Variants in EDA observed in about 807,000 individuals in gnomAD.
EDA encodes ectodysplasin-A.
In EDA, 2 loss-of-function variants were observed where a neutral mutation model predicts 23.6. That is an observed-to-expected ratio of 0.08 (90% CI 0.03 to 0.27). EDA has a LOEUF of 0.27. Among genes scored for constraint, EDA ranks in the 10% least tolerant of loss-of-function variants. The pLI is 1.00. For missense variants in EDA, 229 were observed against 324.2 expected (o/e 0.71, Z 2.26); for synonymous variants, 131 against 132.0 (o/e 0.99, Z 0.05).
intron 1 of EDA, among the ~76,000 whole-genome samples, chrX:69,815,498 C>A (rs1341848010): frequency 9.0e-6 from 1 of 111,369 alleles, no homozygotes; most frequent in Non-Finnish European, 1.9e-5. Context: ...AGCCTGCTGG[C>A]TGTGGAGAAA....
At chrX:69,752,245 C>A (rs1262010403) in intron 1 of EDA, among the ~76,000 whole-genome samples, 1 of 111,418 alleles carries the variant, frequency 9.0e-6, no homozygotes, top group Non-Finnish European at 1.9e-5. Context: ...TTTTGAGATA[C>A]ATCCCATCAG....
At chrX:69,677,617 A>G (rs1934150528) in intron 1 of EDA, among the ~76,000 whole-genome samples, 1 of 112,725 alleles carries the variant, frequency 8.9e-6, no homozygotes, top group African/African-American at 3.2e-5. Context: ...TTGGCTGCAT[A>G]AATGTCTTCT....
intron 2 of EDA, among the ~76,000 whole-genome samples, chrX:69,959,591 T>A (rs747793175): frequency 5.3e-5 from 6 of 112,152 alleles, no homozygotes; most frequent in African/African-American, 1.6e-4. Flanking sequence ...GGATTTTTTT[T>A]AATATTCCCA....
intron 1 of EDA, among the ~76,000 whole-genome samples, chrX:69,703,494 A>G (rs1453037785): frequency 8.9e-6 from 1 of 112,239 alleles, no homozygotes; most frequent in Non-Finnish European, 1.9e-5. Flanking sequence ...AACAGACAAC[A>G]CGAGGTAGTG....
chrX:69,743,541 G>T (rs1431710333), intron 1 of EDA, among the ~76,000 whole-genome samples: 3 of 111,735 alleles, frequency 2.7e-5, no homozygotes, highest in African/African-American at 9.8e-5. Flanking sequence ...CATGTAACAA[G>T]TTCATCTCTG....
At chrX:69,688,355 A>G (rs190850586) in intron 1 of EDA, among the ~76,000 whole-genome samples, 3 of 112,003 alleles carry the variant, frequency 2.7e-5, no homozygotes, top group East Asian at 2.8e-4. Flanking sequence ...ATCAGGTAGT[A>G]TAGAGAAATA....
At chrX:69,900,678 A>G (rs1380839611) in intron 1 of EDA, among the ~76,000 whole-genome samples, 4 of 110,572 alleles carry the variant, frequency 3.6e-5, no homozygotes, top group African/African-American at 9.8e-5. Flanking sequence ...CTATAGTCTA[A>G]TCACACAAGC....
intron 1 of EDA, among the ~76,000 whole-genome samples, chrX:69,707,413 T>C (rs757369286): frequency 8.9e-6 from 1 of 111,945 alleles, no homozygotes; most frequent in East Asian, 2.8e-4. Flanking sequence ...ACAAAGTGAG[T>C]GAGTTCATCA....
At chrX:69,969,778 C>T (rs1489032988) in intron 2 of EDA, among the ~76,000 whole-genome samples, 5 of 111,029 alleles carry the variant, frequency 4.5e-5, no homozygotes, top group African/African-American at 1.6e-4. Context: ...AGTAAAGCTT[C>T]TAGTACATGG....
At chrX:69,680,789 T>G (rs1602287592) in intron 1 of EDA, among the ~76,000 whole-genome samples, 1 of 100,155 alleles carries the variant, frequency 1.0e-5, no homozygotes. Flanking sequence ...TGCCAGTCTG[T>G]GTCTTTTAAT....
intron 1 of EDA, among the ~76,000 whole-genome samples, chrX:69,689,564 T>C (rs932859109): frequency 9.0e-6 from 1 of 110,705 alleles, no homozygotes; most frequent in Non-Finnish European, 1.9e-5. Flanking sequence ...CTCGAACTCC[T>C]GACCTCATGA....
In EDA at chrX:70,037,237, AT is replaced by A. The variant is rs773054743; in HGVS notation, c.*1631del. 8.9e-6 allele frequency: 1 copy of A among 111,851 alleles called. No homozygotes were observed. Among genetic ancestry groups the A allele is most frequent in the South Asian group, 3.8e-4 (1 of 2,616 alleles). 9.2% of individuals were successfully genotyped at this position (111,851 alleles called of 1,213,427 possible). On this transcript the variant is annotated 3_prime_UTR_variant, in exon 8 of 8. Transcript: ENST00000374552. ...AATTCACCAAGAACAGCGGGTACTT[AT>A]TTCTCAGCTGTGCCTTCCCTTTCTA...
chrX:69,616,369 G>A lies in EDA; in HGVS notation c.61G>A (p.Gly21Arg). The change falls in exon 1 of 8, where the codon GGG becomes AGG. Residue 21 changes from glycine to arginine, a missense_variant. Physicochemically the swap from Gly to Arg is moderately radical, Grantham distance 125 (BLOSUM62 -2). Around this residue, in one of 2 missense-constraint regions of EDA, gnomAD observed 54 missense variants for 42.4 expected, o/e 1.27. Transcript: ENST00000374552. Reference protein sequence around the residue: ...LLPAAAPRERGSQGCGCGGAP... With the variant: ...LLPAAAPRERRSQGCGCGGAP... ...GCCTGCAGCAGCGCCGCGGGAGCGA[G>A]GGAGCCAGGGCTGCGGGTGTGGCGG... The A allele has an allele frequency of 1.7e-6, 2 of 1,208,267 alleles. No individual in the cohort carries two copies. The highest frequency in any genetic ancestry group is 2.2e-6 in the Non-Finnish European group (2 of 894,844).
chrX:69,888,978 T>TAGATAGATATATATATA lies in EDA; in HGVS notation c.397-68049_397-68048insAGATAGATATATATATA, dbSNP rs1556026049. Among the ~76,000 whole-genome samples, 13 of 16,011 alleles carry TAGATAGATATATATATA rather than the reference T, an allele frequency of 8.1e-4. 2 individuals are homozygous for TAGATAGATATATATATA. The highest frequency in any genetic ancestry group is 1.4e-3 in the Admixed American group (1 of 704). The allele number at this position is 16,011 out of a possible 115,157, so 13.9% of individuals were successfully genotyped here. On this transcript the variant is annotated intron_variant, in intron 1 of 7. Coordinates refer to ENST00000374552, the MANE Select transcript of EDA (RefSeq NM_001399.5). Reference sequence around the variant, plus strand: ...GTGGAATTGTTGTATTGTGGGGTAGTTATATATATATATATATATATATAT... The same window carrying TAGATAGATATATATATA: ...GTGGAATTGTTGTATTGTGGGGTAGTAGATAGATATATATATATATATATATATATATATATATATAT...
intron 1 of EDA, among the ~76,000 whole-genome samples, chrX:69,628,810 G>A (rs539674692): frequency 6.3e-5 from 7 of 110,982 alleles, no homozygotes; most frequent in African/African-American, 2.0e-4. Context: ...TGTTCATGAT[G>A]TCTCTTGCAT....
intron 1 of EDA, among the ~76,000 whole-genome samples, chrX:69,914,002 A>G (rs2018305951): frequency 8.9e-6 from 1 of 111,754 alleles, no homozygotes; most frequent in Non-Finnish European, 1.9e-5. Flanking sequence ...ACCCAAAACA[A>G]TTACCCTAGT....
At chrX:69,906,301 A>T (rs2018176222) in intron 1 of EDA, among the ~76,000 whole-genome samples, 1 of 112,494 alleles carries the variant, frequency 8.9e-6, no homozygotes, top group South Asian at 3.7e-4. Context: ...CCTATAGAAC[A>T]CAAAGTTACA....
intron 1 of EDA, among the ~76,000 whole-genome samples, chrX:69,920,720 A>T (rs1042895558): frequency 8.9e-6 from 1 of 111,889 alleles, no homozygotes; most frequent in African/African-American, 3.2e-5. Flanking sequence ...CATAGTATCA[A>T]CATGACTTAT....
intron 1 of EDA, among the ~76,000 whole-genome samples, chrX:69,836,016 C>A (rs2016764628): frequency 8.9e-6 from 1 of 112,137 alleles, no homozygotes; most frequent in Admixed American, 9.5e-5. Context: ...CCACTCCAGA[C>A]CCTGTGTGCC....
Sources: allele counts gnomAD v4.1 joint callset (sites outside exome capture counted in the v4.1 genomes callset), GRCh38; gene constraint gnomAD v4.1.1; regional missense constraint gnomAD v4.1.1; transcripts MANE v1.5; gene names NCBI Gene and HGNC (gene_info 2026-07-23, HGNC 2026-07-21).